The following FAM149A variants were observed in gnomAD, a reference collection of about 807,000 sequenced individuals.
The protein encoded by FAM149A is family with sequence similarity 149 member A.
FAM149A carries 71 observed loss-of-function variants against 78.2 expected under a neutral mutation model. The ratio of observed to expected loss-of-function variants is 0.91; its 90% confidence interval spans 0.75 to 1.11. The LOEUF is 1.11. FAM149A is among the 50% of genes least tolerant of loss of function. The pLI is 0.00. For synonymous variants in FAM149A, 446 were observed against 410.5 expected (o/e 1.09, Z -1.04); for missense variants, 1,036 against 971.0 (o/e 1.07, Z -0.89).
At chr4:186,110,259 T>G (rs1275978393) in intron 1 of FAM149A, 1 of 985,280 alleles carries the variant, frequency 1.0e-6, no homozygotes, top group Non-Finnish European at 1.2e-6. Flanking sequence ...TCTTGAAGAA[T>G]AATTATTGTC....
At chr4:186,132,986 G>A in intron 1 of FAM149A, 7 of 985,324 alleles carry the variant, frequency 7.1e-6, no homozygotes, top group Non-Finnish European at 7.2e-6. Context: ...CATTGACGCT[G>A]TGCTCTGAGA....
intron 8 of FAM149A, chr4:186,158,672 C>G: frequency 9.2e-7 from 1 of 1,090,712 alleles, no homozygotes; most frequent in Non-Finnish European, 1.1e-6. Flanking sequence ...CCAGCCCCTG[C>G]ACGCACTGCT....
In FAM149A at chr4:186,104,865, GC is replaced by G. The variant is rs2099308140; in HGVS notation, c.-210del. 1 of 735,992 alleles carries G rather than the reference GC, an allele frequency of 1.4e-6. No homozygotes were observed. Among genetic ancestry groups the G allele is most frequent in the South Asian group, 6.1e-5 (1 of 16,480 alleles). 45.6% of individuals were successfully genotyped at this position (735,992 alleles called of 1,614,324 possible). On this transcript the variant is annotated 5_prime_UTR_variant, in exon 1 of 14. Transcript: ENST00000389354. ...GGACGAGGCGGGGCTGCTCTCCGCA[GC>G]CGGGGCGCTCGGCGGACGGACCCGG...
chr4:186,134,070 C>T (rs908078605), intron 1 of FAM149A, among the ~76,000 whole-genome samples: 1 of 152,200 alleles, frequency 6.6e-6, no homozygotes, highest in Non-Finnish European at 1.5e-5. Flanking sequence ...ATACTAGCTG[C>T]ACCATTTTAC....
intron 11 of FAM149A, 52 bp downstream of exon 11, chr4:186,165,516 A>G: frequency 6.3e-7 from 1 of 1,584,358 alleles, no homozygotes; most frequent in Non-Finnish European, 8.6e-7. Context: ...CTGTATTGGA[A>G]AACAAACAAA....
chr4:186,157,781 G>A (rs1443541893), intron 8 of FAM149A, 62 bp downstream of exon 8: 31 of 1,571,716 alleles, frequency 2.0e-5, no homozygotes, highest in Middle Eastern at 3.6e-4. Flanking sequence ...ACCTCAGTTT[G>A]TCGTTCTGTT....
intron 1 of FAM149A, chr4:186,125,933 C>T (rs906255001): frequency 7.1e-6 from 7 of 985,212 alleles, no homozygotes; most frequent in African/African-American, 1.7e-5. Context: ...CTGGCAAGAG[C>T]GCGAGGTAAC....
intron 8 of FAM149A, chr4:186,158,418 G>T: frequency 8.5e-7 from 1 of 1,181,702 alleles, no homozygotes; most frequent in South Asian, 1.8e-5. Context: ...TGCTGGCTCA[G>T]GGAGTTCTGG....
chr4:186,150,390 T>TCTC (rs762113131), intron 3 of FAM149A, among the ~76,000 whole-genome samples: 43,115 of 95,930 alleles, frequency 0.45, 8,732 homozygotes, highest in East Asian at 0.53. Flanking sequence ...TTTTGCTTGC[T>TCTC]TGCTTTCTCT....
chr4:186,144,730 G>GGGGCCGGGGCCGGGGCCGGGGCCC lies in FAM149A; in HGVS notation c.567-4426_567-4425insGGGGCCCGGGCCGGGGCCGGGGCC. 2 of 834,398 alleles carry GGGGCCGGGGCCGGGGCCGGGGCCC rather than the reference G, an allele frequency of 2.4e-6. No homozygotes were observed. The highest frequency in any genetic ancestry group is 2.9e-6 in the Non-Finnish European group (2 of 694,260). The allele number at this position is 834,398 out of a possible 1,614,324, so 51.7% of individuals were successfully genotyped here. A position where few individuals can be genotyped will look rare whatever the true frequency, so the allele number is the denominator to read the frequency against. On this transcript the variant is annotated intron_variant, in intron 1 of 13. Coordinates refer to ENST00000389354, the MANE Select transcript of FAM149A (RefSeq NM_001367768.3). The surrounding 1 kb of genome is among the most constrained non-coding windows in gnomAD (Gnocchi z 4.2). ...CTTTCCCGGAGGTCGGCGCGGGGCC[G>GGGGCCGGGGCCGGGGCCGGGGCCC]GGGCCGGGGCCGGGGCCCGGAGCGG... is the stretch of plus-strand genomic sequence containing the variant.
chr4:186,105,281 T>C lies in FAM149A; in HGVS notation c.205T>C (p.Ser69Pro). The change falls in exon 1 of 14, where the codon TCG (serine) becomes CCG (proline). Residue 69 changes from serine (S) to proline (P), a missense_variant. Coordinates refer to ENST00000389354, the MANE Select transcript of FAM149A (RefSeq NM_001367768.3). ...GGACTCCCCCTCCGCCTCGCGGCGG[T>C]CGCCCGCCCCGCTGCTCTCCTCCCC... 8.4e-7 allele frequency: 1 copy of C among 1,189,956 alleles called. No homozygotes were observed. The highest frequency in any genetic ancestry group is 3.5e-5 in the Admixed American group (1 of 28,514). 73.7% of individuals were successfully genotyped at this position (1,189,956 alleles called of 1,614,324 possible).
At chr4:186,142,603 G>A (rs866593793) in intron 1 of FAM149A, among the ~76,000 whole-genome samples, 1 of 152,134 alleles carries the variant, frequency 6.6e-6, no homozygotes, top group Non-Finnish European at 1.5e-5. Flanking sequence ...CTTCTGCCTC[G>A]CTTTCTTGGA....
Position 186,164,932 on chromosome 4 carries a change from T to A in FAM149A, c.1890-412T>A, listed in dbSNP as rs1734908577. 6.6e-6 allele frequency among the ~76,000 whole-genome samples: 1 copy of A among 152,116 alleles called. No individual in the cohort carries two copies. The highest frequency in any genetic ancestry group is 1.5e-5 in the Non-Finnish European group (1 of 68,024). On this transcript the variant is annotated intron_variant, in intron 10 of 13. Coordinates refer to ENST00000389354, the MANE Select transcript of FAM149A (RefSeq NM_001367768.3). This position sits in a 1 kb window ranked among gnomAD's most constrained non-coding sequence, Gnocchi z 4.0. ...AATTGTAGTCCCACAGACAGCCTGT[T>A]TGTCTGTGTGCATAGCTGTGCTCTA...
chr4:186,107,908 C>T (rs967445866), intron 1 of FAM149A, among the ~76,000 whole-genome samples: 1 of 152,172 alleles, frequency 6.6e-6, no homozygotes, highest in Admixed American at 6.5e-5. Context: ...CATTCCCTTC[C>T]TCTCATCATA....
chr4:186,169,618 C>T, intron 13 of FAM149A: 2 of 985,414 alleles, frequency 2.0e-6, no homozygotes, highest in Non-Finnish European at 2.4e-6. Flanking sequence ...TCTAATAGGA[C>T]ATTCAGGAAT....
At chr4:186,111,561 T>C (rs2099311306) in intron 1 of FAM149A, among the ~76,000 whole-genome samples, 1 of 151,964 alleles carries the variant, frequency 6.6e-6, no homozygotes, top group Admixed American at 6.5e-5. Context: ...CCATCTTGAA[T>C]TGATTTTTGT....
intron 1 of FAM149A, among the ~76,000 whole-genome samples, chr4:186,136,986 C>CTT (rs2099323403): frequency 1.2e-4 from 15 of 122,262 alleles, no homozygotes; most frequent in African/African-American, 4.4e-4. Flanking sequence ...TTCTCTCTCT[C>CTT]TCTCTCTCTC....
At chr4:186,119,484 C>T (rs1417266825) in intron 1 of FAM149A, among the ~76,000 whole-genome samples, 1 of 152,138 alleles carries the variant, frequency 6.6e-6, no homozygotes, top group Non-Finnish European at 1.5e-5. Flanking sequence ...AACAGCCAAG[C>T]TAAGACTTTC....
chr4:186,149,166 T>G lies in FAM149A; in HGVS notation c.567-7T>G. On this transcript the variant is annotated splice_polypyrimidine_tract_variant and splice_region_variant and intron_variant, in intron 1 of 13. Transcript: ENST00000389354. The stretch of plus-strand genomic sequence containing the variant: ...GGGAGACTCGTCATGTTTTATTTTA[T>G]TTCCAGAAGAGGACTGTCAGAAGGA... The G allele has an allele frequency of 7.8e-7, 1 of 1,274,616 alleles. No individual in the cohort carries two copies. The highest frequency in any genetic ancestry group is 1.0e-6 in the Non-Finnish European group (1 of 984,954). 79.0% of individuals were successfully genotyped at this position (1,274,616 alleles called of 1,614,324 possible).
Sources: allele counts gnomAD v4.1 joint callset (sites outside exome capture counted in the v4.1 genomes callset), GRCh38; gene constraint gnomAD v4.1.1; non-coding constraint Gnocchi (gnomAD v3.1); transcripts MANE v1.5; gene names NCBI Gene and HGNC (gene_info 2026-07-23, HGNC 2026-07-21).